FAM171B: variants seen among roughly 807,000 people sequenced by gnomAD.
FAM171B encodes family with sequence similarity 171 member B.
In FAM171B, 19 loss-of-function variants were observed where a neutral mutation model predicts 75.6. The ratio of observed to expected loss-of-function variants is 0.25; its 90% CI spans 0.18 to 0.37. FAM171B has a LOEUF of 0.37. Among genes scored for constraint, FAM171B ranks in the 10% least tolerant of loss-of-function variants. The pLI is 1.00. For synonymous variants in FAM171B, 367 were observed against 361.7 expected (o/e 1.01, Z -0.17); for missense variants, 848 against 982.4 (o/e 0.86, Z 1.83).
intron 4 of FAM171B, among the ~76,000 whole-genome samples, chr2:186,748,544 A>G (rs1690405572): frequency 6.6e-6 from 1 of 152,210 alleles, no homozygotes; most frequent in African/African-American, 2.4e-5. Flanking sequence ...AGACTTGGCC[A>G]TCACATGGGG....
rs569732170 is a variant in FAM171B at position 186,765,016 on chromosome 2, A to C, written c.*2193A>C. 1 of 152,104 alleles carries C rather than the reference A, an allele frequency of 6.6e-6. No homozygotes were observed. Among genetic ancestry groups the C allele is most frequent in the South Asian group, 2.1e-4 (1 of 4,816 alleles). 9.4% of individuals were successfully genotyped at this position (152,104 alleles called of 1,614,324 possible). A position where few individuals can be genotyped will look rare whatever the true frequency, so the allele number is the denominator to read the frequency against. On this transcript the variant is annotated 3_prime_UTR_variant, in exon 8 of 8. Coordinates refer to ENST00000304698, the MANE Select transcript of FAM171B (RefSeq NM_177454.4). ...GTATCCCAAGGGCTTTTCTAGAACT[A>C]CTTGTTTGCTTTCAGAATAAAACCT...
At position 186,761,118 on chromosome 2, in the gene FAM171B, G is replaced by C. The variant is rs1484677282; in HGVS notation, c.1018G>C (p.Gly340Arg). Residue 340 changes from glycine to arginine, a missense_variant, in exon 7 of 8, where the codon GGT becomes CGT. By Grantham distance (125) the Gly-to-Arg change is moderately radical. Around this residue, in one of 3 missense-constraint regions of FAM171B, gnomAD observed 665 missense variants for 729.0 expected, o/e 0.91. Transcript: ENST00000304698. The stretch of plus-strand genomic sequence containing the variant: ...GTTTATATTGAACCATGTAGGTTCA[G>C]GTATAAATGAAGATTCCAAGGACAT... ...AAPLPGTRGSGINEDSKDITA... is the reference protein window; with the variant it reads ...AAPLPGTRGSRINEDSKDITA... 7 of 1,608,134 alleles carry C rather than the reference G, an allele frequency of 4.4e-6. No individual in the cohort carries two copies. The highest frequency in any genetic ancestry group is 5.9e-6 in the Non-Finnish European group (7 of 1,177,344).
At chr2:186,738,555 A>G (rs1690238507) in intron 1 of FAM171B, among the ~76,000 whole-genome samples, 1 of 152,122 alleles carries the variant, frequency 6.6e-6, no homozygotes, top group Non-Finnish European at 1.5e-5. Context: ...GACAGAGGGT[A>G]AGACAAAGAT....
intron 2 of FAM171B, among the ~76,000 whole-genome samples, chr2:186,742,664 T>A (rs1690305542): frequency 6.6e-6 from 1 of 152,170 alleles, no homozygotes; most frequent in South Asian, 2.1e-4. Context: ...ATACACAGCA[T>A]AGAGGAAAGA....
At chr2:186,712,793 G>A (rs1004001268) in intron 1 of FAM171B, among the ~76,000 whole-genome samples, 1 of 151,812 alleles carries the variant, frequency 6.6e-6, no homozygotes, top group East Asian at 1.9e-4. Flanking sequence ...TCTCACTTTC[G>A]TTTATTTGTT....
chr2:186,740,591 A>G, intron 2 of FAM171B, 130 bp downstream of exon 2: 1 of 735,650 alleles, frequency 1.4e-6, no homozygotes, highest in Non-Finnish European at 2.2e-6. Context: ...GGAGGTTACA[A>G]GGGAGTGCTA....
At position 186,747,100 on chromosome 2, in the gene FAM171B, T is replaced by A. The variant is rs1258404869; in HGVS notation, c.574T>A (p.Ser192Thr). 6.3e-7 allele frequency: 1 copy of A among 1,588,208 alleles called. No homozygotes were observed. Among genetic ancestry groups the A allele is most frequent in the Non-Finnish European group, 8.5e-7 (1 of 1,169,992 alleles). The change falls in exon 4 of 8, where the codon TCT (serine) becomes ACT (threonine). Residue 192 changes from serine (S) to threonine (T), a missense_variant. Physicochemically the swap from Ser to Thr is moderately conservative, Grantham distance 58. Coordinates refer to ENST00000304698, the MANE Select transcript of FAM171B (RefSeq NM_177454.4). ...LITGKLADAK[S>T]QPSVQFSKAL... ...GGTTTCCTTTTTTCCAGATGCCAAG[T>A]CTCAACCAAGTGTTCAGTTTTCAAA...
chr2:186,758,576 T>G (rs1024365625), intron 6 of FAM171B, among the ~76,000 whole-genome samples: 5 of 152,142 alleles, frequency 3.3e-5, no homozygotes, highest in African/African-American at 9.7e-5. Flanking sequence ...ATAAGTAGAT[T>G]TATTATATAG....
intron 1 of FAM171B, 34 bp downstream of exon 1, chr2:186,694,445 C>A (rs1258030273): frequency 1.3e-6 from 2 of 1,591,366 alleles, no homozygotes; most frequent in East Asian, 2.3e-5. Flanking sequence ...GTCTTTCAGT[C>A]TCGGCCGGCG....
intron 1 of FAM171B, among the ~76,000 whole-genome samples, chr2:186,709,761 C>T (rs1344378534): frequency 6.6e-6 from 1 of 152,120 alleles, no homozygotes; most frequent in East Asian, 1.9e-4. Context: ...CTTCAGTGAC[C>T]TCAAATTTCA....
At chr2:186,721,954 T>A (rs1431442200) in intron 1 of FAM171B, among the ~76,000 whole-genome samples, 4 of 152,134 alleles carry the variant, frequency 2.6e-5, no homozygotes, top group Admixed American at 2.0e-4. Flanking sequence ...TTTGCCAACG[T>A]TGGAATAAGA....
chr2:186,731,689 A>G (rs1412364661), intron 1 of FAM171B, among the ~76,000 whole-genome samples: 2 of 152,194 alleles, frequency 1.3e-5, no homozygotes, highest in East Asian at 3.8e-4. Flanking sequence ...ACTGAGACCT[A>G]TCGGGAACTG....
Position 186,763,433 on chromosome 2 carries a change from G to A in FAM171B, c.*610G>A, listed in dbSNP as rs1161074991. 1 of 152,042 alleles carries A rather than the reference G, an allele frequency of 6.6e-6. No individual in the cohort carries two copies. Among genetic ancestry groups the A allele is most frequent in the African/African-American group, 2.4e-5 (1 of 41,398 alleles). 9.4% of individuals were successfully genotyped at this position (152,042 alleles called of 1,614,324 possible). On this transcript the variant is annotated 3_prime_UTR_variant, in exon 8 of 8. Coordinates refer to ENST00000304698, the MANE Select transcript of FAM171B (RefSeq NM_177454.4). ...CAAGAAGCTACTTGGTCATTAGAGA[G>A]GGAGACACCAGCTCTTTGGTTGTTT...
intron 1 of FAM171B, among the ~76,000 whole-genome samples, chr2:186,729,348 A>C (rs1690079234): frequency 6.6e-6 from 1 of 152,186 alleles, no homozygotes; most frequent in Non-Finnish European, 1.5e-5. Flanking sequence ...AAAAAAATAC[A>C]CTGGAGAAGG....
At chr2:186,743,097 T>C (rs1690313238) in intron 2 of FAM171B, among the ~76,000 whole-genome samples, 1 of 152,110 alleles carries the variant, frequency 6.6e-6, no homozygotes, top group Admixed American at 6.6e-5. Flanking sequence ...GCTTGAATCA[T>C]GGAGCCAAGA....
rs1224011844 is a variant in FAM171B at position 186,762,738 on chromosome 2, G to T, written c.2396G>T (p.Arg799Met). 1 of 1,613,236 alleles carries T rather than the reference G, an allele frequency of 6.2e-7. No individual in the cohort carries two copies. Among genetic ancestry groups the T allele is most frequent in the East Asian group, 2.2e-5 (1 of 44,832 alleles). ...GCTAATACATCCCCCACTAAAAGAA[G>T]GGGCAGACCACCACTAGCCAAAAGA... is the stretch of plus-strand genomic sequence containing the variant. ...FEANTSPTKR[R>M]GRPPLAKRDS... The change falls in exon 8 of 8, where the codon AGG becomes ATG. Residue 799 changes from arginine to methionine, a missense_variant. Coordinates refer to ENST00000304698, the MANE Select transcript of FAM171B (RefSeq NM_177454.4). This position sits in a 1 kb window ranked among gnomAD's most constrained non-coding sequence, Gnocchi z 4.0.
At chr2:186,729,941 G>A (rs774155669) in intron 1 of FAM171B, among the ~76,000 whole-genome samples, 4 of 151,458 alleles carry the variant, frequency 2.6e-5, no homozygotes, top group African/African-American at 7.3e-5. Context: ...GCAGTTTTTC[G>A]TTTTTTGTTT....
chr2:186,741,997 T>C (rs897562395), intron 2 of FAM171B, among the ~76,000 whole-genome samples: 4 of 152,146 alleles, frequency 2.6e-5, no homozygotes, highest in African/African-American at 7.2e-5. Context: ...AAAAATGTTA[T>C]GAAAAGTATC....
intron 5 of FAM171B, among the ~76,000 whole-genome samples, chr2:186,751,847 A>G (rs1315393835): frequency 6.6e-6 from 1 of 152,124 alleles, no homozygotes; most frequent in Non-Finnish European, 1.5e-5. Flanking sequence ...TCCCATGTAA[A>G]TAAGGTAGGA....
Sources: allele counts gnomAD v4.1 joint callset (sites outside exome capture counted in the v4.1 genomes callset), GRCh38; gene constraint gnomAD v4.1.1; regional missense constraint gnomAD v4.1.1; non-coding constraint Gnocchi (gnomAD v3.1); transcripts MANE v1.5; gene names NCBI Gene and HGNC (gene_info 2026-07-23, HGNC 2026-07-21).